ZNF316: variants seen among roughly 807,000 people sequenced by gnomAD.
ZNF316 encodes zinc finger protein 316.
ZNF316 carries 23 observed loss-of-function variants against 75.6 expected under a neutral mutation model. That is an observed-to-expected ratio of 0.30 (90% confidence interval 0.22 to 0.43). The LOEUF (loss-of-function observed/expected upper bound fraction) is 0.43. Ranked by LOEUF, ZNF316 falls within the 20% of genes least tolerant of loss-of-function variation. The pLI is 1.00. For missense variants in ZNF316, 1,266 were observed against 1,409.4 expected (o/e 0.90, Z 1.63); for synonymous variants, 827 against 666.2 (o/e 1.24, Z -3.72).
chr7:6,647,174 C>A lies in ZNF316; in HGVS notation c.706+2581C>A, dbSNP rs924542002. ...TCTTTCCACCCTCCGAGATGGACCC[C>A]CTCAGCCACTGCAGACTGGCCCTTC... On this transcript the variant is annotated intron_variant, in intron 8 of 8. Coordinates refer to ENST00000382252, the MANE Select transcript of ZNF316 (RefSeq NM_001278559.2). Among the ~76,000 whole-genome samples, 18 of 152,330 alleles carry A rather than the reference C, an allele frequency of 1.2e-4. No individual in the cohort carries two copies. In the East Asian group the frequency reaches 2.7e-3, roughly 23 times the overall value.
Position 6,637,404 on chromosome 7 carries a change from G to A in ZNF316, c.-474G>A, listed in dbSNP as rs1246185441. On this transcript the variant is annotated 5_prime_UTR_variant, in exon 1 of 9. Coordinates refer to ENST00000382252, the MANE Select transcript of ZNF316 (RefSeq NM_001278559.2). This position sits in a 1 kb window ranked among gnomAD's most constrained non-coding sequence, Gnocchi z 6.2. ...GGTCCGCCGCCGGCCCGCAGGCCCC[G>A]GCCCCGGTGTCCGGCCCGTGGCTCG... 5 of 146,520 alleles carry A rather than the reference G, an allele frequency of 3.4e-5. No individual in the cohort carries two copies. Among genetic ancestry groups the A allele is most frequent in the Non-Finnish European group, 4.5e-5 (3 of 66,108 alleles). The allele number at this position is 146,520 out of a possible 1,614,324, so 9.1% of individuals were successfully genotyped here. A position where few individuals can be genotyped will look rare whatever the true frequency, so the allele number is the denominator to read the frequency against.
chr7:6,648,849 A>G (rs113895324), intron 8 of ZNF316, among the ~76,000 whole-genome samples: 2 of 152,048 alleles, frequency 1.3e-5, no homozygotes, highest in Non-Finnish European at 2.9e-5. Flanking sequence ...CTTGAGGGAC[A>G]TCTCAGCATT....
intron 8 of ZNF316, among the ~76,000 whole-genome samples, chr7:6,644,953 C>T (rs898123136): frequency 2.6e-5 from 4 of 152,238 alleles, no homozygotes; most frequent in African/African-American, 9.6e-5. Flanking sequence ...CTAGCCGTTC[C>T]TCCTGCTTCT....
At chr7:6,641,194 C>T (rs1217686304) in intron 3 of ZNF316, among the ~76,000 whole-genome samples, 1 of 152,212 alleles carries the variant, frequency 6.6e-6, no homozygotes, top group Non-Finnish European at 1.5e-5. Context: ...CAGACACTGT[C>T]CACTGCTCGA....
Position 6,652,765 on chromosome 7 carries a change from T to A in ZNF316, c.1169T>A (p.Ile390Asn). The A allele has an allele frequency of 7.9e-7, 1 of 1,268,716 alleles. No homozygotes were observed. The highest frequency in any genetic ancestry group is 3.9e-5 in the Admixed American group (1 of 25,440). 78.6% of individuals were successfully genotyped at this position (1,268,716 alleles called of 1,614,324 possible). The change falls in exon 9 of 9, where the codon ATC becomes AAC. Residue 390 changes from isoleucine (I) to asparagine (N), a missense_variant. Physicochemically the swap from Ile to Asn is moderately radical, Grantham distance 149. Transcript: ENST00000382252. ...TTCGTGTACCGCTCGCACTTGGCCA[T>A]CCACCAGCGCACGCACACCGGCGAG... ...KGFVYRSHLA[I>N]HQRTHTGEKP... is the part of the protein sequence containing the mutation.
rs1437413194 is a variant in ZNF316 at position 6,657,257 on chromosome 7, G to C, written c.*2646G>C. ...GATCTGCCTGTCTTGGCCTTCCAAA[G>C]TGCTGGGATTGCAGGTGTGAGTCAC... On this transcript the variant is annotated 3_prime_UTR_variant, in exon 9 of 9. Transcript: ENST00000382252. 7.3e-6 allele frequency among the ~76,000 whole-genome samples: 1 copy of C among 137,260 alleles called. No homozygotes were observed. The highest frequency in any genetic ancestry group is 1.5e-5 in the Non-Finnish European group (1 of 66,590). The allele number at this position is 137,260 out of a possible 152,430, so 90.0% of individuals were successfully genotyped here. A position where few individuals can be genotyped will look rare whatever the true frequency, so the allele number is the denominator to read the frequency against.
At chr7:6,649,900 G>C (rs948803196) in intron 8 of ZNF316, among the ~76,000 whole-genome samples, 2 of 152,174 alleles carry the variant, frequency 1.3e-5, no homozygotes, top group Non-Finnish European at 2.9e-5. Flanking sequence ...TCCCTGCTGC[G>C]ATCAGGATCA....
Position 6,654,108 on chromosome 7 carries a change from A to G in ZNF316, c.2512A>G (p.Lys838Glu). 8.2e-7 allele frequency: 1 copy of G among 1,219,536 alleles called. No homozygotes were observed. Among genetic ancestry groups the G allele is most frequent in the Non-Finnish European group, 1.0e-6 (1 of 979,430 alleles). 75.5% of individuals were successfully genotyped at this position (1,219,536 alleles called of 1,614,324 possible). Reference protein sequence around the residue: ...EKPHRCPDCGKGFGHSSDFKR... With the variant: ...EKPHRCPDCGEGFGHSSDFKR... ...GCCGCACCGCTGCCCCGACTGCGGC[A>G]AGGGCTTCGGCCACAGCTCGGACTT... The change falls in exon 9 of 9, where the codon AAG becomes GAG. Residue 838 changes from lysine to glutamate, a missense_variant. By Grantham distance (56) the Lys-to-Glu change is moderately conservative. This residue lies in a region of ZNF316 where 194 missense variants were observed against 319.2 expected (regional missense o/e 0.61). Transcript: ENST00000382252.
At chr7:6,651,390 CA>C (rs1356074987) in intron 8 of ZNF316, among the ~76,000 whole-genome samples, 1 of 151,870 alleles carries the variant, frequency 6.6e-6, no homozygotes, top group Non-Finnish European at 1.5e-5. Flanking sequence ...CGCGGTGGGT[CA>C]CGCCTGTAAT....
At position 6,656,573 on chromosome 7, in the gene ZNF316, C is replaced by T. The variant is rs1053670600; in HGVS notation, c.*1962C>T. 6.6e-6 allele frequency: 1 copy of T among 152,226 alleles called. No homozygotes were observed. Among genetic ancestry groups the T allele is most frequent in the African/African-American group, 2.4e-5 (1 of 41,436 alleles). 9.4% of individuals were successfully genotyped at this position (152,226 alleles called of 1,614,324 possible). On this transcript the variant is annotated 3_prime_UTR_variant, in exon 9 of 9. Transcript: ENST00000382252. The stretch of plus-strand genomic sequence containing the variant: ...AAATTAGAATGGGTCCTAGGATGGC[C>T]CATGAGGAGTTGGCCCCAGGCCAGT...
chr7:6,643,888 G>C lies in ZNF316; in HGVS notation c.532G>C (p.Asp178His), dbSNP rs1475169305. 8.1e-6 allele frequency: 10 copies of C among 1,236,260 alleles called. No individual in the cohort carries two copies. The highest frequency in any genetic ancestry group is 1.0e-5 in the Non-Finnish European group (10 of 990,694). The allele number at this position is 1,236,260 out of a possible 1,614,324, so 76.6% of individuals were successfully genotyped here. A position where few individuals can be genotyped will look rare whatever the true frequency, so the allele number is the denominator to read the frequency against. Residue 178 changes from aspartate (D) to histidine (H), a missense_variant, in exon 7 of 9, where the codon GAC (aspartate) becomes CAC (histidine). By Grantham distance (81) the Asp-to-His change is moderately conservative. This residue lies in a region of ZNF316 where 961 missense variants were observed against 990.9 expected (regional missense o/e 0.97). Transcript: ENST00000382252. ...SLEEWERLEA[D>H]QRGLYQEVMQ... is the part of the protein sequence containing the mutation. ...GGAGGAGTGGGAAAGGCTGGAAGCA[G>C]ACCAGCGGGGCCTCTACCAGGAAGT...
chr7:6,655,409 G>C lies in ZNF316; in HGVS notation c.*798G>C, dbSNP rs1680469069. ...CCCCGGCACCCTCCGCACCGGTTCG[G>C]TTTTGGTCTCTGCTTGTCCTCTCAG... On this transcript the variant is annotated 3_prime_UTR_variant, in exon 9 of 9. Transcript: ENST00000382252. 6.6e-6 allele frequency: 1 copy of C among 152,172 alleles called. No individual in the cohort carries two copies. Among genetic ancestry groups the C allele is most frequent in the Non-Finnish European group, 1.5e-5 (1 of 68,118 alleles). 9.4% of individuals were successfully genotyped at this position (152,172 alleles called of 1,614,324 possible).
At chr7:6,649,812 C>G (rs1027603509) in intron 8 of ZNF316, among the ~76,000 whole-genome samples, 1 of 152,182 alleles carries the variant, frequency 6.6e-6, no homozygotes. Flanking sequence ...ATGCCAGCTC[C>G]AGAGCTGGCG....
chr7:6,653,228 G>A lies in ZNF316; in HGVS notation c.1632G>A (p.Glu544=), dbSNP rs1322791399. Residue 544 remains glutamate (E), a synonymous_variant, in exon 9 of 9, where the codon GAG becomes GAA. Transcript: ENST00000382252. ...GGCCAGAGGGATCTGAAGTTGGCGAGGCGGACGGAGAGGCGGAGGCCGCGG... is the reference window on the plus strand; with the variant it reads ...GGCCAGAGGGATCTGAAGTTGGCGAAGCGGACGGAGAGGCGGAGGCCGCGG... The part of the protein sequence containing the change: ...DPGPEGSEVG[E]ADGEAEAAAE... 1 of 1,224,868 alleles carries A rather than the reference G, an allele frequency of 8.2e-7. No homozygotes were observed. The highest frequency in any genetic ancestry group is 3.2e-5 in the East Asian group (1 of 31,250). 75.9% of individuals were successfully genotyped at this position (1,224,868 alleles called of 1,614,324 possible).
In ZNF316 at chr7:6,655,755, C is replaced by T. The variant is rs576842578; in HGVS notation, c.*1144C>T. On this transcript the variant is annotated 3_prime_UTR_variant, in exon 9 of 9. Transcript: ENST00000382252. ...ATTGGTTAGTGGAGGCACCCGTGGC[C>T]TGGCAGCTTGCACAGTGGCTGTCCA... 2.0e-5 allele frequency: 3 copies of T among 151,500 alleles called. No individual in the cohort carries two copies. In the South Asian group the frequency reaches 6.3e-4, roughly 32 times the overall value. 9.4% of individuals were successfully genotyped at this position (151,500 alleles called of 1,614,324 possible). A position where few individuals can be genotyped will look rare whatever the true frequency, so the allele number is the denominator to read the frequency against.
rs1216984487 is a variant in ZNF316 at position 6,653,520 on chromosome 7, C to T, written c.1924C>T (p.Leu642=). The T allele has an allele frequency of 9.8e-6, 12 of 1,219,864 alleles. No homozygotes were observed. The African/African-American group carries it at 1.3e-4, about 13-fold the overall frequency. The allele number at this position is 1,219,864 out of a possible 1,614,324, so 75.6% of individuals were successfully genotyped here. ...LPAPLGGPLS[L]VEGTGLACDP... ...GGCGCCCCTGGGGGGCCCGCTCTCC[C>T]TGGTGGAGGGTACCGGGCTGGCGTG... The change falls in exon 9 of 9, where the codon CTG becomes TTG. Residue 642 remains leucine, a synonymous_variant. Coordinates refer to ENST00000382252, the MANE Select transcript of ZNF316 (RefSeq NM_001278559.2).
Position 6,652,259 on chromosome 7 carries a change from A to G in ZNF316, c.707-44A>G, listed in dbSNP as rs1017293883. The G allele has an allele frequency of 6.5e-6, 8 of 1,232,058 alleles. No individual in the cohort carries two copies. In the African/African-American group the frequency reaches 1.1e-4, roughly 17 times the overall value. 76.3% of individuals were successfully genotyped at this position (1,232,058 alleles called of 1,614,324 possible). ...AGGAACCTGCCAGAGGCTCCTGTCAAGTTCACTTACCTCTCTCTTCTGGCC... is the reference window on the plus strand; with the variant it reads ...AGGAACCTGCCAGAGGCTCCTGTCAGGTTCACTTACCTCTCTCTTCTGGCC... On this transcript the variant is annotated intron_variant, in intron 8 of 8. Coordinates refer to ENST00000382252, the MANE Select transcript of ZNF316 (RefSeq NM_001278559.2).
chr7:6,657,320 A>G lies in ZNF316; in HGVS notation c.*2709A>G, dbSNP rs1442700030. Among the ~76,000 whole-genome samples the G allele has an allele frequency of 6.7e-6, 1 of 149,366 alleles. No individual in the cohort carries two copies. The highest frequency in any genetic ancestry group is 1.5e-5 in the Non-Finnish European group (1 of 67,262). On this transcript the variant is annotated 3_prime_UTR_variant, in exon 9 of 9. Transcript: ENST00000382252. ...GAGCAACCTAATATTTCAAAAAAAA[A>G]AAAAAAAAAAAAAAAAAAGCCGGGC...
intron 3 of ZNF316, among the ~76,000 whole-genome samples, chr7:6,641,375 G>A (rs4720680): frequency 0.3 from 46,236 of 152,104 alleles, 7,337 homozygotes; most frequent in African/African-American, 0.4. Context: ...TAATGGGCCC[G>A]GTCTCAGGTT....
Sources: gnomAD v4.1 joint callset for allele counts (sites outside exome capture counted in the v4.1 genomes callset) on GRCh38, gnomAD v4.1.1 for gene constraint, gnomAD v4.1.1 regional missense constraint, Gnocchi (gnomAD v3.1) non-coding constraint, MANE v1.5 for transcripts, NCBI Gene and HGNC (gene_info 2026-07-23, HGNC 2026-07-21) for gene names.